Variants in TMEM132C observed in about 807,000 individuals in gnomAD.
TMEM132C encodes the protein protein phosphatase 1, regulatory subunit 152.
Under a neutral mutation model 61.4 loss-of-function variants are expected in TMEM132C, and 29 were observed. The ratio of observed to expected loss-of-function variants is 0.47; its 90% CI spans 0.35 to 0.64. TMEM132C has a LOEUF of 0.64. Ranked by LOEUF, TMEM132C falls within the 30% of genes least tolerant of loss-of-function variation. The pLI, the probability that TMEM132C is intolerant of heterozygous loss-of-function variation, is 0.00. For missense variants in TMEM132C, 1,408 were observed against 1,476.9 expected, an observed-to-expected ratio of 0.95 and a Z score of 0.76; for synonymous variants, 656 against 633.1, an observed-to-expected ratio of 1.04 and a Z score of -0.54.
intron 1 of TMEM132C, among the ~76,000 whole-genome samples, chr12:128,387,346 G>A (rs10847608): frequency 0.24 from 35,758 of 152,022 alleles, 4,760 homozygotes; most frequent in South Asian, 0.4. Context: ...ACCAGGAGGT[G>A]TGGATGCCTC....
At chr12:128,591,254 A>C (rs79703023) in intron 3 of TMEM132C, among the ~76,000 whole-genome samples, 3,058 of 151,982 alleles carry the variant, frequency 0.02, 109 homozygotes, top group African/African-American at 0.069. Flanking sequence ...ATACCCATTC[A>C]TTTGCAGTCA....
intron 1 of TMEM132C, among the ~76,000 whole-genome samples, chr12:128,314,957 AGG>A (rs1477450456): frequency 1.3e-5 from 2 of 152,216 alleles, no homozygotes; most frequent in African/African-American, 2.4e-5. Context: ...GTAAAATGGG[AGG>A]GAGACAGTAA....
In TMEM132C at chr12:128,628,097, C is replaced by T. The variant is rs180958943; in HGVS notation, c.1305+11762C>T. 9.9e-5 allele frequency among the ~76,000 whole-genome samples: 15 copies of T among 152,230 alleles called. No homozygotes were observed. The East Asian group carries it at 2.9e-3, about 29-fold the overall frequency. On this transcript the variant is annotated intron_variant, in intron 4 of 8. Coordinates refer to ENST00000435159, the MANE Select transcript of TMEM132C (RefSeq NM_001136103.3). The stretch of plus-strand genomic sequence containing the variant: ...AAATGCATCTCAAATGCAGCAGTCT[C>T]CCCCCACCTCACCACTTCCAGTCTC...
At chr12:128,268,206 CCTCTT>C (rs1161214008) in intron 1 of TMEM132C, among the ~76,000 whole-genome samples, 1 of 152,208 alleles carries the variant, frequency 6.6e-6, no homozygotes, top group Non-Finnish European at 1.5e-5. Flanking sequence ...ACCTCAGTGT[CCTCTT>C]CTCTACAATG....
At position 128,706,054 on chromosome 12, in the gene TMEM132C, C is replaced by G. The variant is rs1341904739; in HGVS notation, c.3086C>G (p.Ala1029Gly). 6.4e-7 allele frequency: 1 copy of G among 1,551,728 alleles called. No homozygotes were observed. The highest frequency in any genetic ancestry group is 1.2e-5 in the South Asian group (1 of 84,062). ...GTGCAGAGCCAGATTCACAGGTCAG[C>G]CGACTCCGGGGGGCGGCAGGGCAGA... is the stretch of plus-strand genomic sequence containing the variant. ...KHVQSQIHRS[A>G]DSGGRQGREQ... Residue 1029 changes from alanine (A) to glycine (G), a missense_variant, in exon 9 of 9, where the codon GCC (alanine) becomes GGC (glycine). Ala to Gly is a moderately conservative substitution (Grantham distance 60). Coordinates refer to ENST00000435159, the MANE Select transcript of TMEM132C (RefSeq NM_001136103.3).
intron 1 of TMEM132C, among the ~76,000 whole-genome samples, chr12:128,335,685 G>A (rs1361379732): frequency 1.3e-5 from 2 of 152,214 alleles, no homozygotes; most frequent in East Asian, 1.9e-4. Context: ...CAGTAACTAC[G>A]TGATGAAGCC....
intron 5 of TMEM132C, among the ~76,000 whole-genome samples, chr12:128,686,071 G>GTGTGCGCATGTGTGT (rs1954672444): frequency 2.0e-5 from 3 of 147,370 alleles, no homozygotes; most frequent in South Asian, 4.2e-4. Context: ...GTGTGCATGC[G>GTGTGCGCATGTGTGT]TGTGTGCGCA....
chr12:128,449,738 G>T (rs758474984), intron 2 of TMEM132C, among the ~76,000 whole-genome samples: 3 of 151,948 alleles, frequency 2.0e-5, no homozygotes, highest in African/African-American at 4.8e-5. Context: ...AATAGCAGTG[G>T]TTTTTTTTGA....
In TMEM132C at chr12:128,706,852, CTTTTA is replaced by C; in HGVS notation, c.*562_*566del. On this transcript the variant is annotated 3_prime_UTR_variant, in exon 9 of 9. Transcript: ENST00000435159. ...GAGTTTTAAATCTTTACTTGATCATCTTTTATTTTCTTTTCCACTTTTTCCTTTTT... is the reference window on the plus strand; with the variant it reads ...GAGTTTTAAATCTTTACTTGATCATCTTTTCTTTTCCACTTTTTCCTTTTT... 1 of 152,150 alleles carries C rather than the reference CTTTTA, an allele frequency of 6.6e-6. No individual in the cohort carries two copies. Among genetic ancestry groups the C allele is most frequent in the East Asian group, 1.9e-4 (1 of 5,196 alleles). The allele number at this position is 152,150 out of a possible 1,614,324, so 9.4% of individuals were successfully genotyped here. A position where few individuals can be genotyped will look rare whatever the true frequency, so the allele number is the denominator to read the frequency against.
intron 2 of TMEM132C, among the ~76,000 whole-genome samples, chr12:128,535,792 C>T (rs575786103): frequency 4.6e-5 from 7 of 151,834 alleles, no homozygotes; most frequent in South Asian, 2.1e-4. Flanking sequence ...GGCATGAACC[C>T]GGGAGGCAGA....
chr12:128,303,225 TA>T (rs961903348), intron 1 of TMEM132C, among the ~76,000 whole-genome samples: 1 of 152,120 alleles, frequency 6.6e-6, no homozygotes, highest in African/African-American at 2.4e-5. Context: ...TATTATTCTT[TA>T]AAAGAAAGGA....
chr12:128,532,136 A>G (rs114300318), intron 2 of TMEM132C, among the ~76,000 whole-genome samples: 274 of 152,332 alleles, frequency 1.8e-3, no homozygotes, highest in African/African-American at 6.0e-3. Flanking sequence ...GCATGCTAGC[A>G]GCAGGAGATG....
At chr12:128,532,884 C>G (rs1338649265) in intron 2 of TMEM132C, among the ~76,000 whole-genome samples, 1 of 152,100 alleles carries the variant, frequency 6.6e-6, no homozygotes, top group Non-Finnish European at 1.5e-5. Context: ...CAGCAATACC[C>G]ATGCCACGTT....
chr12:128,591,750 G>A (rs1875758737), intron 3 of TMEM132C, among the ~76,000 whole-genome samples: 1 of 151,984 alleles, frequency 6.6e-6, no homozygotes, highest in Admixed American at 6.6e-5. Flanking sequence ...TGAAGTATTT[G>A]CCAAGTTAAA....
At chr12:128,359,961 G>T (rs996173458) in intron 1 of TMEM132C, among the ~76,000 whole-genome samples, 2 of 152,150 alleles carry the variant, frequency 1.3e-5, no homozygotes, top group Non-Finnish European at 2.9e-5. Context: ...GGGTGATGAA[G>T]GATGTTTTAA....
chr12:128,506,261 T>C (rs1158139287), intron 2 of TMEM132C, among the ~76,000 whole-genome samples: 1 of 152,184 alleles, frequency 6.6e-6, no homozygotes, highest in African/African-American at 2.4e-5. Flanking sequence ...ATCATCTGCA[T>C]TACATGGGTC....
rs541502293 is a variant in TMEM132C at position 128,533,997 on chromosome 12, G to A, written c.975-9960G>A. Reference sequence around the variant, plus strand: ...CACACACACTCCTCATCATACCCAGGCACTCACACACCCCAGCAGGCCTGA... The same window carrying A: ...CACACACACTCCTCATCATACCCAGACACTCACACACCCCAGCAGGCCTGA... On this transcript the variant is annotated intron_variant, in intron 2 of 8. Transcript: ENST00000435159. 2.8e-3 allele frequency among the ~76,000 whole-genome samples: 413 copies of A among 149,096 alleles called. 2 individuals are homozygous for A. The highest frequency in any genetic ancestry group is 9.2e-3 in the African/African-American group (376 of 40,688).
chr12:128,557,254 A>C (rs560556956), intron 3 of TMEM132C, among the ~76,000 whole-genome samples: 1 of 152,346 alleles, frequency 6.6e-6, no homozygotes, highest in South Asian at 2.1e-4. Context: ...AAGGTATTTC[A>C]TGGCCAGAAT....
At chr12:128,508,477 A>G (rs1029518654) in intron 2 of TMEM132C, among the ~76,000 whole-genome samples, 9 of 152,112 alleles carry the variant, frequency 5.9e-5, no homozygotes, top group Non-Finnish European at 8.8e-5. Flanking sequence ...TGATAGATGC[A>G]GGGAGGCGGA....
Sources: gnomAD v4.1 joint callset for allele counts (sites outside exome capture counted in the v4.1 genomes callset) on GRCh38, gnomAD v4.1.1 for gene constraint, MANE v1.5 for transcripts, NCBI Gene and HGNC (gene_info 2026-07-23, HGNC 2026-07-21) for gene names.